The following CILP variants were observed in gnomAD, a reference collection of about 807,000 sequenced individuals.
CILP encodes the protein cartilage intermediate layer protein.
In CILP, 75 loss-of-function variants were observed where a neutral mutation model predicts 82.5. The observed-to-expected ratio is 0.91, with a 90% CI of 0.75 to 1.10. The LOEUF is 1.10. Ranked by LOEUF, CILP falls within the 50% of genes least tolerant of loss-of-function variation. The probability of loss-of-function intolerance (pLI) is 0.00; values close to 1 mark genes in which losing one functional copy is unlikely to be tolerated. For missense variants in CILP, 1,479 were observed against 1,530.8 expected (o/e 0.97, Z 0.56); for synonymous variants, 530 against 580.3 (o/e 0.91, Z 1.25).
rs760774918 is a variant in CILP, at chr15:65,197,548, C to T, written c.2738G>A (p.Arg913Gln). The T allele has an allele frequency of 1.8e-5, 29 of 1,614,084 alleles. No homozygotes were observed. Among genetic ancestry groups the T allele is most frequent in the Middle Eastern group, 1.6e-4 (1 of 6,084 alleles). The change falls in exon 9 of 9, where the codon CGG (arginine) becomes CAG (glutamine). Residue 913 changes from arginine to glutamine, a missense_variant. Physicochemically the swap from Arg to Gln is conservative, Grantham distance 43. Coordinates refer to ENST00000261883, the MANE Select transcript of CILP (RefSeq NM_003613.4). Reference sequence around the variant, plus strand: ...TCGATCCCCCTCAATCTGGTAGAACCGGAAGTGGGCTGCACTGGGTGGTGC... The same window carrying T: ...TCGATCCCCCTCAATCTGGTAGAACTGGAAGTGGGCTGCACTGGGTGGTGC... ...EEAPPSAAHF[R>Q]FYQIEGDRYD...
chr15:65,196,492 A>G lies in CILP; in HGVS notation c.*239T>C. ...ACAGTTGAAGCTGCAGAGTTTTACC[A>G]GTGGCCAATTTCTTGTGTTTCATTT... On this transcript the variant is annotated 3_prime_UTR_variant, in exon 9 of 9. Transcript: ENST00000261883. The G allele has an allele frequency of 2.3e-6, 1 of 428,426 alleles. No individual in the cohort carries two copies. The highest frequency in any genetic ancestry group is 5.9e-4 in the Middle Eastern group (1 of 1,694). 26.5% of individuals were successfully genotyped at this position (428,426 alleles called of 1,614,324 possible).
chr15:65,198,824 T>A lies in CILP; in HGVS notation c.1462A>T (p.Thr488Ser), dbSNP rs376044880. 1.4e-5 allele frequency: 23 copies of A among 1,613,752 alleles called. No homozygotes were observed. Among genetic ancestry groups the A allele is most frequent in the Admixed American group, 1.2e-4 (7 of 59,984 alleles). Residue 488 changes from threonine to serine, a missense_variant, in exon 9 of 9, where the codon ACT becomes TCT. Coordinates refer to ENST00000261883, the MANE Select transcript of CILP (RefSeq NM_003613.4). ...KECSCQRCTE[T>S]RSIVRGRVSA... ...ACACGGCCCCGCACGATGCTCCGAG[T>A]TTCCGTACACCGCTGGCAGCTGCAC... is the stretch of plus-strand genomic sequence containing the variant.
rs766528387 is a variant in CILP, at chr15:65,209,689, C to G, written c.61+6G>C. 2 of 1,613,994 alleles carry G rather than the reference C, an allele frequency of 1.2e-6. No individual in the cohort carries two copies. Among genetic ancestry groups the G allele is most frequent in the Admixed American group, 1.7e-5 (1 of 60,020 alleles). On this transcript the variant is annotated splice_donor_region_variant and intron_variant, in intron 2 of 8. Coordinates refer to ENST00000261883, the MANE Select transcript of CILP (RefSeq NM_003613.4). ...ATTTGGGAGCCAGCAGATACTTAGC[C>G]TATACCCAACACAGATGTGACTTCC...
intron 6 of CILP, among the ~76,000 whole-genome samples, chr15:65,203,835 A>G (rs1487860884): frequency 6.6e-6 from 1 of 152,208 alleles, no homozygotes; most frequent in Non-Finnish European, 1.5e-5. Context: ...ATCCTGCACC[A>G]TTTCTGAACT....
At chr15:65,203,780 A>G (rs2088486501) in intron 6 of CILP, among the ~76,000 whole-genome samples, 1 of 152,238 alleles carries the variant, frequency 6.6e-6, no homozygotes, top group South Asian at 2.1e-4. Context: ...TGTTTTAAAT[A>G]GTGCAATATT....
chr15:65,206,927 C>A lies in CILP; in HGVS notation c.279G>T (p.Glu93Asp), dbSNP rs552820264. ...DRVCARPLRL[E>D]ARTTDWTPAG... Reference sequence around the variant, plus strand: ...CAGGTGTCCAGTCAGTGGTCCGAGCCTCTAGCCGCAGGGGACGGGCACATA... The same window carrying A: ...CAGGTGTCCAGTCAGTGGTCCGAGCATCTAGCCGCAGGGGACGGGCACATA... The change falls in exon 4 of 9, where the codon GAG (glutamate) becomes GAT (aspartate). Residue 93 changes from glutamate to aspartate, a missense_variant. Transcript: ENST00000261883. 1 of 1,614,042 alleles carries A rather than the reference C, an allele frequency of 6.2e-7. No individual in the cohort carries two copies. Among genetic ancestry groups the A allele is most frequent in the South Asian group, 1.1e-5 (1 of 91,080 alleles).
In CILP at chr15:65,196,020, A is replaced by C. The variant is rs963570231; in HGVS notation, c.*711T>G. 57 of 152,242 alleles carry C rather than the reference A, an allele frequency of 3.7e-4. No homozygotes were observed. Among genetic ancestry groups the C allele is most frequent in the African/African-American group, 1.3e-3 (52 of 41,456 alleles). 9.4% of individuals were successfully genotyped at this position (152,242 alleles called of 1,614,324 possible). On this transcript the variant is annotated 3_prime_UTR_variant, in exon 9 of 9. Transcript: ENST00000261883. ...TGGCCTCAGAATCGAAATACAGAGT[A>C]TGCATTTATTGACATCTGCCCTGGG...
At chr15:65,200,123 G>A (rs1009500302) in intron 8 of CILP, among the ~76,000 whole-genome samples, 1 of 152,114 alleles carries the variant, frequency 6.6e-6, no homozygotes, top group Admixed American at 6.5e-5. Context: ...GTGTCAATGT[G>A]CCAAAGCATT....
intron 2 of CILP, 26 bp downstream of exon 2, chr15:65,209,669 G>A (rs371750927): frequency 2.5e-5 from 41 of 1,611,898 alleles, no homozygotes; most frequent in Non-Finnish European, 3.3e-5. Context: ...GGAAGATTTG[G>A]GAGCCAGCAG....
chr15:65,202,667 AC>A (rs543324368), intron 7 of CILP, among the ~76,000 whole-genome samples: 45 of 151,902 alleles, frequency 3.0e-4, no homozygotes, highest in African/African-American at 1.1e-3. Context: ...ACCTCAAGTG[AC>A]CCACCCTCCT....
intron 3 of CILP, 103 bp downstream of exon 3, chr15:65,207,569 G>T: frequency 1.0e-6 from 1 of 1,000,540 alleles, no homozygotes; most frequent in Non-Finnish European, 1.5e-6. Context: ...GTAAAAGTGG[G>T]TTTCCATGGG....
chr15:65,198,690 C>T lies in CILP; in HGVS notation c.1596G>A (p.Gln532=). 1 of 1,614,218 alleles carries T rather than the reference C, an allele frequency of 6.2e-7. No individual in the cohort carries two copies. Among genetic ancestry groups the T allele is most frequent in the Non-Finnish European group, 8.5e-7 (1 of 1,180,050 alleles). ...ATGTGAGCACCAGCCTCTCAGTGTC[C>T]TGGGGGACATGGAGGGTGAAAGTGC... The part of the protein sequence containing the change: ...YKGTFTLHVP[Q]DTERLVLTFV... Residue 532 remains glutamine, a synonymous_variant, in exon 9 of 9, where the codon CAG becomes CAA. Transcript: ENST00000261883.
intron 4 of CILP, among the ~76,000 whole-genome samples, chr15:65,206,031 C>T (rs1383490455): frequency 6.6e-6 from 1 of 152,080 alleles, no homozygotes; most frequent in South Asian, 2.1e-4. Flanking sequence ...GAGAAGATCC[C>T]CATCCAAGAA....
At chr15:65,207,121 C>T (rs2088526917) in intron 3 of CILP, 70 bp from the exon 4 acceptor site, 1 of 1,534,016 alleles carries the variant, frequency 6.5e-7, no homozygotes, top group African/African-American at 1.3e-5. Flanking sequence ...TCCCTCTCAC[C>T]CACCCCCAGC....
Position 65,197,531 on chromosome 15 carries a change from C to T in CILP, c.2755G>A (p.Gly919Arg), listed in dbSNP as rs1390326174. The change falls in exon 9 of 9, where the codon GGG (glycine) becomes AGG (arginine). Residue 919 changes from glycine to arginine, a missense_variant. By Grantham distance (125) the Gly-to-Arg change is moderately radical (BLOSUM62 -2). Coordinates refer to ENST00000261883, the MANE Select transcript of CILP (RefSeq NM_003613.4). ...AAHFRFYQIE[G>R]DRYDYNTVPF... ...ACTGTGTTGTAGTCATATCGATCCC[C>T]CTCAATCTGGTAGAACCGGAAGTGG... 5 of 1,614,100 alleles carry T rather than the reference C, an allele frequency of 3.1e-6. No individual in the cohort carries two copies. Among genetic ancestry groups the T allele is most frequent in the Admixed American group, 1.7e-5 (1 of 60,000 alleles).
intron 7 of CILP, among the ~76,000 whole-genome samples, chr15:65,202,324 T>C (rs1201979020): frequency 6.6e-6 from 1 of 152,208 alleles, no homozygotes; most frequent in Non-Finnish European, 1.5e-5. Flanking sequence ...CAATGACTTC[T>C]AGCTGACTTC....
chr15:65,199,817 T>C (rs2088428293), intron 8 of CILP, among the ~76,000 whole-genome samples: 1 of 152,246 alleles, frequency 6.6e-6, no homozygotes, highest in Non-Finnish European at 1.5e-5. Flanking sequence ...AGCAAGACCC[T>C]GTCTAAAACA....
In CILP at chr15:65,196,740, CA is replaced by C. The variant is rs1566992015; in HGVS notation, c.3545del (p.Leu1182ArgfsTer33). ...TGAAGTACCACAAAACTTAGTTGAT[CA>C]GGGGCTGTTGAGCAACTCTAGGAAA... The part of the protein sequence containing the change: ...LRFPRVAQQP[L>X]IN On this transcript the variant is annotated frameshift_variant, in exon 9 of 9. Coordinates refer to ENST00000261883, the MANE Select transcript of CILP (RefSeq NM_003613.4). LOFTEE classifies it high-confidence loss of function. 2.0e-6 allele frequency: 3 copies of C among 1,533,972 alleles called. No homozygotes were observed. Among genetic ancestry groups the C allele is most frequent in the African/African-American group, 1.4e-5 (1 of 72,956 alleles).
chr15:65,207,710 T>C lies in CILP; in HGVS notation c.116A>G (p.Asn39Ser). The C allele has an allele frequency of 6.2e-7, 1 of 1,614,020 alleles. No homozygotes were observed. The highest frequency in any genetic ancestry group is 8.5e-7 in the Non-Finnish European group (1 of 1,179,992). Reference protein sequence around the residue: ...SVRRVQPGKKNPSIFAKPADT... With the variant: ...SVRRVQPGKKSPSIFAKPADT... ...GGCAGGCTTGGCAAAGATGCTGGGG[T>C]TCTTCTTCCCAGGCTGGACTCTTCT... Residue 39 changes from asparagine (N) to serine (S), a missense_variant, in exon 3 of 9, where the codon AAC becomes AGC. Coordinates refer to ENST00000261883, the MANE Select transcript of CILP (RefSeq NM_003613.4).
Sources: allele counts gnomAD v4.1 joint callset (sites outside exome capture counted in the v4.1 genomes callset), GRCh38; gene constraint gnomAD v4.1.1; transcripts MANE v1.5; gene names NCBI Gene and HGNC (gene_info 2026-07-23, HGNC 2026-07-21).